AFG2A: variants seen among roughly 807,000 people sequenced by gnomAD.
AFG2A encodes ATPase family gene 2 protein homolog A.
the AFG2A span, among the ~76,000 whole-genome samples, chr4:123,175,089 T>C: frequency 6.6e-6 from 1 of 152,100 alleles, no homozygotes; most frequent in African/African-American, 2.4e-5. Context: ...TATTTTCTAA[T>C]CTTGATATGA....
chr4:123,064,458 A>G, the AFG2A span, among the ~76,000 whole-genome samples: 1 of 152,240 alleles, frequency 6.6e-6, no homozygotes, highest in African/African-American at 2.4e-5. Flanking sequence ...GCAAAGTAGG[A>G]TATTATACAA....
the AFG2A span, among the ~76,000 whole-genome samples, chr4:123,258,570 C>T: frequency 6.6e-6 from 1 of 152,124 alleles, no homozygotes; most frequent in African/African-American, 2.4e-5. Context: ...GCCATTTTCT[C>T]AGAGTTGGAG....
chr4:123,172,842 G>A, the AFG2A span, among the ~76,000 whole-genome samples: 67 of 152,184 alleles, frequency 4.4e-4, no homozygotes, highest in Middle Eastern at 3.4e-3. Context: ...TCATTTCTTA[G>A]AGACACTCTA....
chr4:123,050,921 A>G, the AFG2A span, among the ~76,000 whole-genome samples: 1 of 151,732 alleles, frequency 6.6e-6, no homozygotes, highest in South Asian at 2.1e-4. Context: ...ATTTTTTTTT[A>G]GTAGAGATGG....
chr4:122,965,467 G>GT, the AFG2A span, among the ~76,000 whole-genome samples: 1 of 152,196 alleles, frequency 6.6e-6, no homozygotes, highest in South Asian at 2.1e-4. Flanking sequence ...TGGAAACAGT[G>GT]TGTTGACATT....
the AFG2A span, among the ~76,000 whole-genome samples, chr4:122,986,263 A>C: frequency 6.6e-6 from 1 of 152,090 alleles, no homozygotes; most frequent in Non-Finnish European, 1.5e-5. Context: ...TGTTGGATGA[A>C]ATGTTCTGTG....
chr4:122,936,765 A>AG, the AFG2A span, among the ~76,000 whole-genome samples: 1 of 152,176 alleles, frequency 6.6e-6, no homozygotes, highest in African/African-American at 2.4e-5. Context: ...AGATCACCTG[A>AG]GGTCAGGAGT....
At chr4:123,183,929 TATTTATTCATTCATTC>T in the AFG2A span, among the ~76,000 whole-genome samples, 2 of 113,906 alleles carry the variant, frequency 1.8e-5, no homozygotes, top group African/African-American at 9.3e-5. Context: ...CCAGCTTGCT[TATTTATTCATTCATTC>T]ATTCATTCAT....
At chr4:122,988,649 C>T in the AFG2A span, among the ~76,000 whole-genome samples, 1 of 152,100 alleles carries the variant, frequency 6.6e-6, no homozygotes, top group East Asian at 1.9e-4. Flanking sequence ...CCCGCCTCAG[C>T]CTCCTAAAGT....
the AFG2A span, chr4:122,927,771 T>C: frequency 9.3e-6 from 15 of 1,610,698 alleles, no homozygotes; most frequent in Admixed American, 5.1e-5. Flanking sequence ...AAGAGTCTTT[T>C]TCATTTCCTT....
the AFG2A span, chr4:122,936,304 A>G: frequency 2.3e-6 from 1 of 440,434 alleles, no homozygotes; most frequent in Non-Finnish European, 3.9e-6. Context: ...ATGAAATTCT[A>G]TTTCTATCTA....
chr4:122,944,245 C>G, the AFG2A span, among the ~76,000 whole-genome samples: 1 of 152,000 alleles, frequency 6.6e-6, no homozygotes, highest in Non-Finnish European at 1.5e-5. Context: ...CAACTTGGTT[C>G]CATTCTCCCC....
the AFG2A span, among the ~76,000 whole-genome samples, chr4:123,205,703 A>G: frequency 6.6e-6 from 1 of 152,116 alleles, no homozygotes; most frequent in Non-Finnish European, 1.5e-5. Context: ...ATTGGAACCA[A>G]TCCTCTGCAG....
chr4:123,072,041 C>T, the AFG2A span, among the ~76,000 whole-genome samples: 1 of 152,234 alleles, frequency 6.6e-6, no homozygotes, highest in African/African-American at 2.4e-5. Flanking sequence ...ATTTGGCTTA[C>T]AAAATTTTTA....
the AFG2A span, among the ~76,000 whole-genome samples, chr4:122,939,078 T>C: frequency 7.0e-5 from 8 of 114,588 alleles, 1 homozygote; most frequent in African/African-American, 2.8e-4. Context: ...GTTCTTTCTT[T>C]TTTTTTTTTT....
the AFG2A span, among the ~76,000 whole-genome samples, chr4:123,187,705 A>T: frequency 3.3e-5 from 5 of 152,004 alleles, no homozygotes; most frequent in South Asian, 1.0e-3. Flanking sequence ...AAAAATTTTG[A>T]AAAAAAGAAA....
the AFG2A span, among the ~76,000 whole-genome samples, chr4:122,974,923 AG>A: frequency 6.6e-6 from 1 of 152,130 alleles, no homozygotes; most frequent in Non-Finnish European, 1.5e-5. Context: ...TACAGGCATG[AG>A]CCACCACACC....
the AFG2A span, among the ~76,000 whole-genome samples, chr4:123,011,747 G>T: frequency 2.6e-5 from 4 of 152,296 alleles, no homozygotes; most frequent in African/African-American, 9.6e-5. Context: ...GAGAACACAG[G>T]CTAAGGGAGA....
the AFG2A span, among the ~76,000 whole-genome samples, chr4:123,188,582 A>G: frequency 4.6e-5 from 7 of 152,144 alleles, no homozygotes; most frequent in Non-Finnish European, 8.8e-5. Context: ...GAACTACATT[A>G]TTGCTTCAAA....
Sources: gnomAD v4.1 joint callset for allele counts (sites outside exome capture counted in the v4.1 genomes callset) on GRCh38, gnomAD v4.1.1 for gene constraint, MANE v1.5 for transcripts, NCBI Gene and HGNC (gene_info 2026-07-23, HGNC 2026-07-21) for gene names.